Variants in BSCL2 observed in about 807,000 individuals in gnomAD.
BSCL2 encodes the protein seipin.
In BSCL2, 41 loss-of-function variants were observed where a neutral mutation model predicts 57.4. The ratio of observed to expected loss-of-function variants is 0.71; its 90% CI spans 0.56 to 0.93. The LOEUF is 0.93. Among genes scored for constraint, BSCL2 ranks in the 40% least tolerant of loss-of-function variants. The pLI is 0.00. For synonymous variants in BSCL2, 237 were observed against 227.3 expected (o/e 1.04, Z -0.38); for missense variants, 539 against 586.7 (o/e 0.92, Z 0.84).
intron 3 of BSCL2, among the ~76,000 whole-genome samples, chr11:62,701,704 C>A (rs1413371168): frequency 6.6e-6 from 1 of 151,876 alleles, no homozygotes; most frequent in Non-Finnish European, 1.5e-5. Flanking sequence ...TGGTGGCGCG[C>A]TCCTGTAGTG....
At chr11:62,694,457 G>T in intron 4 of BSCL2, 111 bp downstream of exon 4, 2 of 1,510,816 alleles carry the variant, frequency 1.3e-6, no homozygotes, top group Non-Finnish European at 9.1e-7. Context: ...TGCCTGCCTC[G>T]GCCTCCCAAA....
intron 3 of BSCL2, among the ~76,000 whole-genome samples, chr11:62,701,040 G>T (rs933003409): frequency 2.7e-5 from 4 of 149,798 alleles, no homozygotes; most frequent in Non-Finnish European, 5.9e-5. Context: ...ATTTCTCAGG[G>T]TTCCCAGGTT....
In BSCL2 at chr11:62,702,485, T is replaced by C. The variant is rs773548699; in HGVS notation, c.469A>G (p.Lys157Glu). Residue 157 changes from lysine to glutamate, a missense_variant, in exon 3 of 11, where the codon AAG becomes GAG. Physicochemically the swap from Lys to Glu is moderately conservative, Grantham distance 56. Transcript: ENST00000360796. Reference protein sequence around the residue: ...SFPVANVSLTKGGRDRVLMYG... With the variant: ...SFPVANVSLTEGGRDRVLMYG... ...ATACTCACCCGATCACGTCCACCCT[T>C]AGTCAGCGAGACATTGGCAACAGGG... is the stretch of plus-strand genomic sequence containing the variant. The C allele has an allele frequency of 5.0e-6, 8 of 1,612,652 alleles. No homozygotes were observed. The Admixed American group carries it at 1.2e-4, about 24-fold the overall frequency.
Position 62,702,466 on chromosome 11 carries a change from A to T in BSCL2, c.486+2T>A. On this transcript the variant is annotated splice_donor_variant, in intron 3 of 10. Transcript: ENST00000360796. LOFTEE classifies it high-confidence loss of function. ...AAACCTCTCTCTAGTTCCCATACTCACCCGATCACGTCCACCCTTAGTCAG... is the reference window on the plus strand; with the variant it reads ...AAACCTCTCTCTAGTTCCCATACTCTCCCGATCACGTCCACCCTTAGTCAG... 2 of 1,610,852 alleles carry T rather than the reference A, an allele frequency of 1.2e-6. No individual in the cohort carries two copies. The highest frequency in any genetic ancestry group is 1.7e-6 in the Non-Finnish European group (2 of 1,177,518).
intron 3 of BSCL2, among the ~76,000 whole-genome samples, chr11:62,697,327 G>A (rs1945500818): frequency 6.7e-6 from 1 of 149,396 alleles, no homozygotes; most frequent in Non-Finnish European, 1.5e-5. Context: ...CCCGGGAGGC[G>A]GAGCTTGCAG....
intron 3 of BSCL2, among the ~76,000 whole-genome samples, chr11:62,700,829 T>G (rs190595782): frequency 5.9e-5 from 9 of 152,116 alleles, no homozygotes; most frequent in African/African-American, 2.2e-4. Context: ...GGTGGGCACC[T>G]GTAATCCCAG....
upstream of BSCL2, chr11:62,709,176 G>A (rs1370629199): frequency 6.5e-6 from 3 of 461,872 alleles, no homozygotes; most frequent in South Asian, 4.6e-5. Flanking sequence ...AAAGCCATTT[G>A]AAGAATAAAG....
chr11:62,709,469 A>C, upstream of BSCL2: 1 of 454,000 alleles, frequency 2.2e-6, no homozygotes, highest in Non-Finnish European at 4.4e-6. Context: ...GGGGGGATTT[A>C]GGGGAGGGTG....
chr11:62,701,772 C>T (rs552458238), intron 3 of BSCL2, among the ~76,000 whole-genome samples: 1 of 146,174 alleles, frequency 6.8e-6, no homozygotes, highest in Non-Finnish European at 1.5e-5. Context: ...GTGGAGGTTG[C>T]AGTGAGCTGA....
chr11:62,704,829 G>T (rs1291778700), intron 2 of BSCL2, among the ~76,000 whole-genome samples: 3 of 152,196 alleles, frequency 2.0e-5, no homozygotes, highest in African/African-American at 4.8e-5. Context: ...GACTCTCTGG[G>T]AAGCAAGTTT....
intron 3 of BSCL2, among the ~76,000 whole-genome samples, chr11:62,696,278 TTGTG>T (rs1197051764): frequency 3.1e-3 from 416 of 136,318 alleles, no homozygotes; most frequent in Middle Eastern, 0.011. Context: ...CATAAACTTT[TTGTG>T]TGTGTGTGTG....
At chr11:62,703,253 C>T (rs1945698383) in intron 2 of BSCL2, among the ~76,000 whole-genome samples, 1 of 151,154 alleles carries the variant, frequency 6.6e-6, no homozygotes, top group South Asian at 2.1e-4. Context: ...AAAGGATCTA[C>T]AGATGGTTAT....
chr11:62,704,911 T>C (rs562266276), intron 2 of BSCL2, among the ~76,000 whole-genome samples: 1 of 152,282 alleles, frequency 6.6e-6, no homozygotes, highest in South Asian at 2.1e-4. Flanking sequence ...GAGGCAGTAA[T>C]GTAAAAAGCA....
rs2083506654 is a variant in BSCL2, at chr11:62,705,179, C to A, written c.404+122G>T. 2.7e-6 allele frequency: 3 copies of A among 1,097,456 alleles called. No homozygotes were observed. In the South Asian group the frequency reaches 4.1e-5, roughly 15 times the overall value. 68.0% of individuals were successfully genotyped at this position (1,097,456 alleles called of 1,614,324 possible). Reference sequence around the variant, plus strand: ...GCCTTGGGCTGTGAAAGTTGAGAGGCCCTGGAAGCACACCTGGCTCCAGTT... The same window carrying A: ...GCCTTGGGCTGTGAAAGTTGAGAGGACCTGGAAGCACACCTGGCTCCAGTT... On this transcript the variant is annotated intron_variant, in intron 2 of 10. Transcript: ENST00000360796.
upstream of BSCL2, chr11:62,709,341 CGA>C (rs1257371503): frequency 2.2e-6 from 1 of 453,880 alleles, no homozygotes; most frequent in Admixed American, 2.4e-5. Context: ...ATGGCGGGCG[CGA>C]GAGAGCGTCC....
chr11:62,694,881 T>C (rs1261950818), intron 3 of BSCL2, among the ~76,000 whole-genome samples, 170 bp from the exon 4 acceptor site: 1 of 152,118 alleles, frequency 6.6e-6, no homozygotes. Context: ...GCTGCCCCCT[T>C]CTGGTGGCTA....
chr11:62,707,473 T>C, upstream of BSCL2: 2 of 677,008 alleles, frequency 3.0e-6, no homozygotes, highest in Non-Finnish European at 5.4e-6. Flanking sequence ...GGGGCCGTCA[T>C]AGGCCCAGAC....
At chr11:62,700,084 T>TAAAAAAAAAAAAA in intron 3 of BSCL2, among the ~76,000 whole-genome samples, 1 of 80,228 alleles carries the variant, frequency 1.2e-5, no homozygotes, top group Non-Finnish European at 2.4e-5. Flanking sequence ...TACTAAAAAT[T>TAAAAAAAAAAAAA]AAAAAAAAAA....
rs1291966839 is a variant in BSCL2, at chr11:62,692,796, A to G, written c.632T>C (p.Val211Ala). The G allele has an allele frequency of 6.2e-6, 10 of 1,613,054 alleles. No individual in the cohort carries two copies. The highest frequency in any genetic ancestry group is 1.7e-5 in the Admixed American group (1 of 59,990). Residue 211 changes from valine (V) to alanine (A), a missense_variant and splice_region_variant, in exon 5 of 11, where the codon GTG (valine) becomes GCG (alanine). Around this residue, in one of 3 missense-constraint regions of BSCL2, gnomAD observed 73 missense variants for 122.0 expected, o/e 0.60. Transcript: ENST00000360796. ...CAGGTCTGAGCGGTAATGCAGCATC[A>G]CCTGCCGGGGGTGGGAAGCAGAGGC... ...GRIISTSSRS[V>A]MLHYRSDLLQ...
Sources: allele counts gnomAD v4.1 joint callset (sites outside exome capture counted in the v4.1 genomes callset), GRCh38; gene constraint gnomAD v4.1.1; regional missense constraint gnomAD v4.1.1; transcripts MANE v1.5; gene names NCBI Gene and HGNC (gene_info 2026-07-23, HGNC 2026-07-21).